SPMIP2: variants seen among roughly 807,000 people sequenced by gnomAD.
The protein encoded by SPMIP2 is sperm microtubule inner protein 2.
chr4:158,910,836 GC>G, the SPMIP2 span, among the ~76,000 whole-genome samples: 1 of 152,130 alleles, frequency 6.6e-6, no homozygotes, highest in Admixed American at 6.5e-5. Context: ...AATCACAGGA[GC>G]CAACTCCTAA....
chr4:159,057,541 G>T, the SPMIP2 span, among the ~76,000 whole-genome samples: 1 of 152,070 alleles, frequency 6.6e-6, no homozygotes, highest in South Asian at 2.1e-4. Context: ...GAATCACTTG[G>T]AAAGTAATTT....
At chr4:158,928,482 A>T in the SPMIP2 span, among the ~76,000 whole-genome samples, 1 of 151,770 alleles carries the variant, frequency 6.6e-6, no homozygotes, top group South Asian at 2.1e-4. Flanking sequence ...TTGTGTCCAC[A>T]CTCTGTATCT....
At chr4:159,016,608 A>G in the SPMIP2 span, among the ~76,000 whole-genome samples, 5 of 151,732 alleles carry the variant, frequency 3.3e-5, no homozygotes, top group African/African-American at 1.2e-4. Flanking sequence ...CATCTTTTCT[A>G]TTTTATTTTT....
chr4:159,036,177 A>G, the SPMIP2 span, among the ~76,000 whole-genome samples: 4 of 152,226 alleles, frequency 2.6e-5, no homozygotes, highest in Non-Finnish European at 4.4e-5. Flanking sequence ...TGTAAATGTA[A>G]TATCTTTTAT....
the SPMIP2 span, among the ~76,000 whole-genome samples, chr4:159,036,274 G>A: frequency 6.6e-6 from 1 of 152,214 alleles, no homozygotes; most frequent in Non-Finnish European, 1.5e-5. Flanking sequence ...TGCTACTCAG[G>A]TAGGTTCCCT....
At chr4:158,989,544 T>C in the SPMIP2 span, among the ~76,000 whole-genome samples, 36 of 152,056 alleles carry the variant, frequency 2.4e-4, no homozygotes, top group African/African-American at 8.2e-4. Context: ...TATAGACCGA[T>C]GGAACAGAAC....
chr4:159,058,082 A>C, the SPMIP2 span, among the ~76,000 whole-genome samples: 3 of 150,676 alleles, frequency 2.0e-5, no homozygotes, highest in African/African-American at 7.3e-5. Context: ...CTGGTCTTGA[A>C]CTCTTGGGCT....
chr4:158,947,305 T>A, the SPMIP2 span, among the ~76,000 whole-genome samples: 1 of 152,212 alleles, frequency 6.6e-6, no homozygotes, highest in African/African-American at 2.4e-5. Flanking sequence ...CCAATATGGT[T>A]TAAAATAGTG....
chr4:158,976,338 T>C, the SPMIP2 span, among the ~76,000 whole-genome samples: 1 of 152,188 alleles, frequency 6.6e-6, no homozygotes. Context: ...ACAGGAGTGG[T>C]GAGAGAGGGC....
chr4:159,025,610 T>C, the SPMIP2 span, among the ~76,000 whole-genome samples: 1 of 152,222 alleles, frequency 6.6e-6, no homozygotes, highest in Non-Finnish European at 1.5e-5. Flanking sequence ...TAAGGTGTAC[T>C]TGGTTGGCTT....
the SPMIP2 span, among the ~76,000 whole-genome samples, chr4:158,999,689 A>C: frequency 8.5e-5 from 13 of 152,340 alleles, no homozygotes; most frequent in African/African-American, 2.9e-4. Flanking sequence ...GACTGAAATA[A>C]AGTGACTCCT....
the SPMIP2 span, among the ~76,000 whole-genome samples, chr4:158,992,523 G>A: frequency 6.6e-6 from 1 of 151,422 alleles, no homozygotes; most frequent in Non-Finnish European, 1.5e-5. Context: ...TCTGTGGACT[G>A]CAGTAAGCTT....
At chr4:158,968,368 G>T in the SPMIP2 span, among the ~76,000 whole-genome samples, 2 of 152,130 alleles carry the variant, frequency 1.3e-5, no homozygotes, top group Non-Finnish European at 2.9e-5. Flanking sequence ...ATTATATTGC[G>T]TGCAAATGAT....
At chr4:159,026,482 A>C in the SPMIP2 span, 2 of 714,054 alleles carry the variant, frequency 2.8e-6, no homozygotes, top group Non-Finnish European at 5.0e-6. Flanking sequence ...AGACTGTGTC[A>C]TGAACAATGT....
chr4:158,955,153 C>T, the SPMIP2 span, among the ~76,000 whole-genome samples: 1 of 152,220 alleles, frequency 6.6e-6, no homozygotes, highest in African/African-American at 2.4e-5. Flanking sequence ...AATACACACA[C>T]ACACACTCAC....
At chr4:158,932,289 A>G in the SPMIP2 span, among the ~76,000 whole-genome samples, 1 of 152,156 alleles carries the variant, frequency 6.6e-6, no homozygotes, top group Non-Finnish European at 1.5e-5. Flanking sequence ...AACATGGCAA[A>G]ACCCCATCTC....
the SPMIP2 span, among the ~76,000 whole-genome samples, chr4:158,910,822 C>T: frequency 6.6e-6 from 1 of 152,170 alleles, no homozygotes; most frequent in Non-Finnish European, 1.5e-5. Flanking sequence ...TTACCAACTT[C>T]CACAATCACA....
chr4:158,928,800 G>C, the SPMIP2 span, among the ~76,000 whole-genome samples: 1 of 152,094 alleles, frequency 6.6e-6, no homozygotes, highest in Non-Finnish European at 1.5e-5. Context: ...CCTGAAGCCA[G>C]CGAGACCACG....
the SPMIP2 span, among the ~76,000 whole-genome samples, chr4:159,040,876 G>A: frequency 3.3e-5 from 5 of 152,174 alleles, no homozygotes; most frequent in Non-Finnish European, 7.3e-5. Flanking sequence ...AACATTGGCA[G>A]GTTGCTTTTC....
Sources: gnomAD v4.1 joint callset for allele counts (sites outside exome capture counted in the v4.1 genomes callset) on GRCh38, gnomAD v4.1.1 for gene constraint, MANE v1.5 for transcripts, NCBI Gene and HGNC (gene_info 2026-07-23, HGNC 2026-07-21) for gene names.